The following UBL7 variants were observed in gnomAD, a reference collection of about 807,000 sequenced individuals.
UBL7 encodes ubiquitin like 7.
Under a neutral mutation model 41.7 loss-of-function variants are expected in UBL7, and 21 were observed. The observed-to-expected ratio is 0.50, with a 90% CI of 0.36 to 0.73. The LOEUF (loss-of-function observed/expected upper bound fraction) is 0.73, where lower values mean the gene tolerates loss of function less well. Among genes scored for constraint, UBL7 ranks in the 30% least tolerant of loss-of-function variants. The pLI is 0.00. For missense variants in UBL7, 403 were observed against 478.4 expected, an observed-to-expected ratio of 0.84 and a Z score of 1.47; for synonymous variants, 157 against 186.9, an observed-to-expected ratio of 0.84 and a Z score of 1.31.
Position 74,456,534 on chromosome 15 carries a change from G to C in UBL7, c.304+18C>G, listed in dbSNP as rs1335248518. 2 of 1,613,408 alleles carry C rather than the reference G, an allele frequency of 1.2e-6. No individual in the cohort carries two copies. On this transcript the variant is annotated intron_variant, in intron 3 of 10. Coordinates refer to ENST00000395081, the MANE Select transcript of UBL7 (RefSeq NM_032907.5). ...TATTACAGAAACTCTGCCTGCCTAA[G>C]GGCTGCCCCTCACTCACCCGGTTTC... is the stretch of plus-strand genomic sequence containing the variant.
chr15:74,450,765 G>T, intron 6 of UBL7, 37 bp downstream of exon 6: 1 of 1,609,302 alleles, frequency 6.2e-7, no homozygotes, highest in South Asian at 1.1e-5. Flanking sequence ...AGCACGAGGA[G>T]AGAGAAGGTA....
At chr15:74,447,794 T>A (rs2061198936) in intron 10 of UBL7, among the ~76,000 whole-genome samples, 1 of 152,156 alleles carries the variant, frequency 6.6e-6, no homozygotes, top group African/African-American at 2.4e-5. Flanking sequence ...CAGGTTGGCA[T>A]GCAAGCCCCT....
In UBL7 at chr15:74,448,471, G is replaced by T; in HGVS notation, c.1005+7C>A. The stretch of plus-strand genomic sequence containing the variant: ...CACATGGAAACCAAGACGTGGGGAA[G>T]ACTGACCTGAAGGCTGGGCTGCCCA... On this transcript the variant is annotated splice_region_variant and intron_variant, in intron 10 of 10. Transcript: ENST00000395081. The T allele has an allele frequency of 2.5e-6, 4 of 1,613,634 alleles. No homozygotes were observed. Among genetic ancestry groups the T allele is most frequent in the Non-Finnish European group, 3.4e-6 (4 of 1,179,718 alleles).
chr15:74,450,762 G>A, intron 6 of UBL7, 40 bp downstream of exon 6: 2 of 1,607,436 alleles, frequency 1.2e-6, no homozygotes, highest in South Asian at 2.2e-5. Context: ...CTGAGCACGA[G>A]GAGAGAGAAG....
rs1462029460 is a variant in UBL7, at chr15:74,446,937, G to A, written c.1006-710C>T. Among the ~76,000 whole-genome samples the A allele has an allele frequency of 6.6e-6, 1 of 152,154 alleles. No individual in the cohort carries two copies. The highest frequency in any genetic ancestry group is 1.5e-5 in the Non-Finnish European group (1 of 68,032). ...TTTAGGGAAAACAACGTGTTCACAT[G>A]TGGGAAGAAGGCAATGCAAAGGGGA... On this transcript the variant is annotated intron_variant, in intron 10 of 10. Transcript: ENST00000395081. The surrounding 1 kb of genome is among the most constrained non-coding windows in gnomAD (Gnocchi z 4.1).
At chr15:74,448,978 C>T (rs1047922599) in intron 9 of UBL7, among the ~76,000 whole-genome samples, 4 of 152,138 alleles carry the variant, frequency 2.6e-5, no homozygotes, top group East Asian at 3.8e-4. Context: ...GGGGACTACA[C>T]GGGACCATGT....
intron 1 of UBL7, among the ~76,000 whole-genome samples, chr15:74,460,095 T>A (rs4372642): frequency 0.31 from 47,641 of 151,554 alleles, 10,192 homozygotes; most frequent in African/African-American, 0.56. Context: ...AGAAAAAATT[T>A]GCAGGGCGTG....
At chr15:74,459,218 C>T in intron 1 of UBL7, 1 of 226,970 alleles carries the variant, frequency 4.4e-6, no homozygotes, top group Non-Finnish European at 8.8e-6. Flanking sequence ...GTTGCTTGAA[C>T]CAGTAGAACA....
At position 74,458,784 on chromosome 15, in the gene UBL7, T is replaced by C; in HGVS notation, c.84A>G (p.Thr28=). ...TPKSILRLPE[T]ELGEYSLGGY... ...CCCCTAGCGAGTATTCTCCCAGTTC[T>C]GTCTCTGGCAACCGAAGAATAGACT... Residue 28 remains threonine, a synonymous_variant, in exon 2 of 11, where the codon ACA becomes ACG. Coordinates refer to ENST00000395081, the MANE Select transcript of UBL7 (RefSeq NM_032907.5). 6.2e-7 allele frequency: 1 copy of C among 1,614,014 alleles called. No individual in the cohort carries two copies. The highest frequency in any genetic ancestry group is 1.3e-5 in the African/African-American group (1 of 75,076).
Position 74,461,099 on chromosome 15 carries a change from C to A in UBL7, c.-92G>T. The A allele has an allele frequency of 1.0e-6, 1 of 999,874 alleles. No individual in the cohort carries two copies. The highest frequency in any genetic ancestry group is 1.2e-6 in the Non-Finnish European group (1 of 837,306). 61.9% of individuals were successfully genotyped at this position (999,874 alleles called of 1,614,324 possible). On this transcript the variant is annotated 5_prime_UTR_variant, in exon 1 of 11. Transcript: ENST00000395081. ...GAGCCCGCGCTGCCCAGGGCCCCAG[C>A]GCCCTCACCCGTCCCGCGGAAGGAA...
intron 10 of UBL7, among the ~76,000 whole-genome samples, chr15:74,447,656 G>A (rs745676779): frequency 6.6e-6 from 1 of 152,132 alleles, no homozygotes; most frequent in African/African-American, 2.4e-5. Context: ...ACAGTAAGTT[G>A]TGATCACACC....
chr15:74,458,602 T>C lies in UBL7; in HGVS notation c.184+82A>G, dbSNP rs2061315470. On this transcript the variant is annotated intron_variant, in intron 2 of 10. Coordinates refer to ENST00000395081, the MANE Select transcript of UBL7 (RefSeq NM_032907.5). ...TATGAGGCAACAAATCCCAAGCCCT[T>C]ACTTTACTCTTGTAATTCCAGAAGT... The C allele has an allele frequency of 3.2e-6, 4 of 1,255,166 alleles. No homozygotes were observed. In the South Asian group the frequency reaches 5.4e-5, roughly 17 times the overall value. 77.8% of individuals were successfully genotyped at this position (1,255,166 alleles called of 1,614,324 possible).
chr15:74,453,128 C>G (rs1567090083), intron 3 of UBL7, among the ~76,000 whole-genome samples: 1 of 152,148 alleles, frequency 6.6e-6, no homozygotes. Context: ...GAATAGCACC[C>G]CTGGGGTTCA....
At chr15:74,447,796 C>A (rs1317005926) in intron 10 of UBL7, among the ~76,000 whole-genome samples, 1 of 152,148 alleles carries the variant, frequency 6.6e-6, no homozygotes, top group Non-Finnish European at 1.5e-5. Flanking sequence ...GGTTGGCATG[C>A]AAGCCCCTCT....
intron 5 of UBL7, 80 bp downstream of exon 5, chr15:74,451,356 G>A (rs1481440990): frequency 8.0e-7 from 1 of 1,253,912 alleles, no homozygotes; most frequent in Non-Finnish European, 1.2e-6. Context: ...GATAGTCCAA[G>A]TCTCTTTAGA....
rs896585789 is a variant in UBL7 at position 74,461,130 on chromosome 15, C to T, written c.-123G>A. 4.0e-6 allele frequency: 4 copies of T among 997,044 alleles called. No individual in the cohort carries two copies. The African/African-American group carries it at 5.2e-5, about 13-fold the overall frequency. The allele number at this position is 997,044 out of a possible 1,614,324, so 61.8% of individuals were successfully genotyped here. ...CACCCGTCCCGCGGAAGGAACCCGG[C>T]CGCACTGCCGCCGGTGTAAACACTC... is the stretch of plus-strand genomic sequence containing the variant. On this transcript the variant is annotated 5_prime_UTR_variant, in exon 1 of 11. Coordinates refer to ENST00000395081, the MANE Select transcript of UBL7 (RefSeq NM_032907.5).
At chr15:74,453,375 G>A (rs972677472) in intron 3 of UBL7, among the ~76,000 whole-genome samples, 35 of 152,126 alleles carry the variant, frequency 2.3e-4, no homozygotes, top group South Asian at 4.2e-4. Context: ...AAAATGCCAC[G>A]TTGAAGACCT....
At chr15:74,460,861 T>A in intron 1 of UBL7, 176 bp downstream of exon 1, 1 of 1,194,602 alleles carries the variant, frequency 8.4e-7, no homozygotes, top group Non-Finnish European at 1.1e-6. Context: ...ACCTCAAGTT[T>A]ATGCCAGAAG....
chr15:74,460,884 T>C, intron 1 of UBL7, 153 bp downstream of exon 1: 1 of 1,189,234 alleles, frequency 8.4e-7, no homozygotes, highest in Non-Finnish European at 1.1e-6. Flanking sequence ...GGTCGTTTTA[T>C]ATACCATGTC....
Sources: allele counts gnomAD v4.1 joint callset (sites outside exome capture counted in the v4.1 genomes callset), GRCh38; gene constraint gnomAD v4.1.1; non-coding constraint Gnocchi (gnomAD v3.1); transcripts MANE v1.5; gene names NCBI Gene and HGNC (gene_info 2026-07-23, HGNC 2026-07-21).